DIPK2A: variants seen among roughly 807,000 people sequenced by gnomAD.
DIPK2A encodes the protein divergent protein kinase domain 2A.
Under a neutral mutation model 39.0 loss-of-function variants are expected in DIPK2A, and 27 were observed. The observed-to-expected ratio is 0.69, with a 90% CI of 0.51 to 0.96. The LOEUF (loss-of-function observed/expected upper bound fraction) is 0.96, where lower values mean the gene tolerates loss of function less well. DIPK2A is among the 40% of genes least tolerant of loss of function. The probability of loss-of-function intolerance (pLI) is 0.00; values close to 1 mark genes in which losing one functional copy is unlikely to be tolerated. For missense variants in DIPK2A, 528 were observed against 571.3 expected (o/e 0.92, Z 0.77); for synonymous variants, 298 against 240.8 (o/e 1.24, Z -2.20).
At chr3:143,987,281 G>T (rs1455155707) in intron 2 of DIPK2A, among the ~76,000 whole-genome samples, 1 of 152,088 alleles carries the variant, frequency 6.6e-6, no homozygotes, top group Non-Finnish European at 1.5e-5. Flanking sequence ...AATTATTTCA[G>T]TGTTTATAAC....
intron 1 of DIPK2A, chr3:143,973,467 G>A (rs1020596776): frequency 6.4e-7 from 1 of 1,551,070 alleles, no homozygotes; most frequent in African/African-American, 1.4e-5. Flanking sequence ...CGGTCTCAGA[G>A]TCTTTGTTTT....
rs1320829610 is a variant in DIPK2A at position 143,990,650 on chromosome 3, C to A, written c.*809C>A. The A allele has an allele frequency of 6.6e-6, 1 of 152,292 alleles. No individual in the cohort carries two copies. The highest frequency in any genetic ancestry group is 2.1e-4 in the South Asian group (1 of 4,822). The allele number at this position is 152,292 out of a possible 1,614,324, so 9.4% of individuals were successfully genotyped here. On this transcript the variant is annotated 3_prime_UTR_variant, in exon 3 of 3. Coordinates refer to ENST00000315691, the MANE Select transcript of DIPK2A (RefSeq NM_173552.5). Reference sequence around the variant, plus strand: ...GGCTTTAAGAAGAATATACTAGAATCTATATATTGATGTTAATTTTGATTC... The same window carrying A: ...GGCTTTAAGAAGAATATACTAGAATATATATATTGATGTTAATTTTGATTC...
intron 1 of DIPK2A, among the ~76,000 whole-genome samples, chr3:143,974,889 T>A (rs974521011): frequency 2.6e-5 from 4 of 152,176 alleles, no homozygotes. Context: ...TATATTTTTT[T>A]AAGTTTGAAC....
chr3:143,989,306 C>T (rs1206232538), intron 2 of DIPK2A, among the ~76,000 whole-genome samples: 1 of 152,112 alleles, frequency 6.6e-6, no homozygotes, highest in Non-Finnish European at 1.5e-5. Flanking sequence ...GTGGTAGAGA[C>T]CTTTCTGAAT....
Position 143,991,467 on chromosome 3 carries a change from T to C in DIPK2A, c.*1626T>C, listed in dbSNP as rs2087987444. On this transcript the variant is annotated 3_prime_UTR_variant, in exon 3 of 3. Coordinates refer to ENST00000315691, the MANE Select transcript of DIPK2A (RefSeq NM_173552.5). ...AACTAGGATAATGCTTTCATGTTAT[T>C]TTATTGTCTTGTGATAGAAATTCAA... 1 of 152,652 alleles carries C rather than the reference T, an allele frequency of 6.6e-6. No homozygotes were observed. Among genetic ancestry groups the C allele is most frequent in the Non-Finnish European group, 1.5e-5 (1 of 68,024 alleles). 9.5% of individuals were successfully genotyped at this position (152,652 alleles called of 1,614,324 possible). A position where few individuals can be genotyped will look rare whatever the true frequency, so the allele number is the denominator to read the frequency against.
intron 1 of DIPK2A, among the ~76,000 whole-genome samples, chr3:143,977,124 A>T (rs1273390776): frequency 6.6e-6 from 1 of 152,046 alleles, no homozygotes; most frequent in African/African-American, 2.4e-5. Context: ...TTATATAGGG[A>T]ACAACATATT....
In DIPK2A at chr3:143,990,074, G is replaced by A; in HGVS notation, c.*233G>A. On this transcript the variant is annotated 3_prime_UTR_variant, in exon 3 of 3. Coordinates refer to ENST00000315691, the MANE Select transcript of DIPK2A (RefSeq NM_173552.5). ...ACTTTGGAGGCTTGAGCTGTCATCA[G>A]CTGCTCCCCACTACCCCGGAATGCT... The A allele has an allele frequency of 4.0e-6, 2 of 498,266 alleles. No homozygotes were observed. The highest frequency in any genetic ancestry group is 3.6e-6 in the Non-Finnish European group (1 of 279,954). The allele number at this position is 498,266 out of a possible 1,614,324, so 30.9% of individuals were successfully genotyped here.
intron 1 of DIPK2A, among the ~76,000 whole-genome samples, chr3:143,977,970 T>A (rs1156854601): frequency 6.6e-6 from 1 of 152,096 alleles, no homozygotes. Context: ...TTGACCATTT[T>A]GAATTTTGTC....
Position 143,990,036 on chromosome 3 carries a change from A to T in DIPK2A, c.*195A>T, listed in dbSNP as rs778308491. The T allele has an allele frequency of 3.1e-5, 18 of 582,172 alleles. No homozygotes were observed. The highest frequency in any genetic ancestry group is 4.9e-5 in the Non-Finnish European group (16 of 329,220). The allele number at this position is 582,172 out of a possible 1,614,324, so 36.1% of individuals were successfully genotyped here. A position where few individuals can be genotyped will look rare whatever the true frequency, so the allele number is the denominator to read the frequency against. ...AAATCACATGATGCTTCTGCAAATA[A>T]GTATGTTCTTATACTTTGGAGGCTT... On this transcript the variant is annotated 3_prime_UTR_variant, in exon 3 of 3. Transcript: ENST00000315691.
chr3:143,974,659 A>G (rs2087704813), intron 1 of DIPK2A, among the ~76,000 whole-genome samples: 1 of 152,164 alleles, frequency 6.6e-6, no homozygotes, highest in Admixed American at 6.5e-5. Flanking sequence ...TCTTAGTAAT[A>G]TACATTTACT....
chr3:143,982,437 C>A (rs2087838912), intron 1 of DIPK2A, among the ~76,000 whole-genome samples: 1 of 152,100 alleles, frequency 6.6e-6, no homozygotes, highest in African/African-American at 2.4e-5. Flanking sequence ...AGAGTGGGGA[C>A]CAATATTCAA....
Position 143,972,276 on chromosome 3 carries a change from C to T in DIPK2A, c.-57C>T. The T allele has an allele frequency of 1.5e-6, 2 of 1,332,212 alleles. No homozygotes were observed. 82.5% of individuals were successfully genotyped at this position (1,332,212 alleles called of 1,614,324 possible). A position where few individuals can be genotyped will look rare whatever the true frequency, so the allele number is the denominator to read the frequency against. The stretch of plus-strand genomic sequence containing the variant: ...CTGCCGGTAGCTCTCCGGGTCTTGG[C>T]GCGGCGGGGGCGCCCCGGGGGTGCC... On this transcript the variant is annotated 5_prime_UTR_variant, in exon 1 of 3. Coordinates refer to ENST00000315691, the MANE Select transcript of DIPK2A (RefSeq NM_173552.5).
At chr3:143,973,412 C>T in intron 1 of DIPK2A, 2 of 1,550,250 alleles carry the variant, frequency 1.3e-6, no homozygotes, top group South Asian at 1.2e-5. Flanking sequence ...GTGTTCTACA[C>T]CGCGTTCGCT....
chr3:143,991,655 C>T lies in DIPK2A; in HGVS notation c.*1814C>T, dbSNP rs534890127. On this transcript the variant is annotated 3_prime_UTR_variant, in exon 3 of 3. Coordinates refer to ENST00000315691, the MANE Select transcript of DIPK2A (RefSeq NM_173552.5). ...AGTGCATTGCGTATATCAACTGGCC[C>T]TCAATGAAGCATTTAAGTGCTTGGA... 1 of 152,604 alleles carries T rather than the reference C, an allele frequency of 6.6e-6. No individual in the cohort carries two copies. The highest frequency in any genetic ancestry group is 1.5e-5 in the Non-Finnish European group (1 of 67,998). 9.5% of individuals were successfully genotyped at this position (152,604 alleles called of 1,614,324 possible). A position where few individuals can be genotyped will look rare whatever the true frequency, so the allele number is the denominator to read the frequency against.
At chr3:143,973,105 C>T in intron 1 of DIPK2A, 116 bp downstream of exon 1, 1 of 1,366,522 alleles carries the variant, frequency 7.3e-7, no homozygotes, top group Non-Finnish European at 1.0e-6. Context: ...CGGGCTGGGC[C>T]AGGCTGCAGG....
intron 1 of DIPK2A, among the ~76,000 whole-genome samples, chr3:143,974,650 C>G (rs2107838528): frequency 6.6e-6 from 1 of 152,140 alleles, no homozygotes; most frequent in African/African-American, 2.4e-5. Flanking sequence ...AAGGAGCTGT[C>G]TTAGTAATAT....
rs1202512247 is a variant in DIPK2A, at chr3:143,991,526, TAGG to T, written c.*1690_*1692del. On this transcript the variant is annotated 3_prime_UTR_variant, in exon 3 of 3. Coordinates refer to ENST00000315691, the MANE Select transcript of DIPK2A (RefSeq NM_173552.5). ...ATCTAAAACTAGGTTGCTATAAAAA[TAGG>T]AGGATGAAGTCAATAAAGTTTATGC... is the stretch of plus-strand genomic sequence containing the variant. 1.3e-5 allele frequency: 2 copies of T among 152,598 alleles called. No individual in the cohort carries two copies. The highest frequency in any genetic ancestry group is 4.1e-4 in the South Asian group (2 of 4,830). 9.5% of individuals were successfully genotyped at this position (152,598 alleles called of 1,614,324 possible).
chr3:143,978,946 T>C (rs987886135), intron 1 of DIPK2A, among the ~76,000 whole-genome samples: 5 of 151,954 alleles, frequency 3.3e-5, no homozygotes, highest in East Asian at 1.9e-4. Context: ...TGTTAATACT[T>C]ACCTAACAGG....
intron 1 of DIPK2A, chr3:143,973,843 G>T: frequency 2.0e-6 from 1 of 507,424 alleles, no homozygotes; most frequent in Non-Finnish European, 3.6e-6. Flanking sequence ...GAATAGGATG[G>T]AATCTTTACT....
Sources: gnomAD v4.1 joint callset for allele counts (sites outside exome capture counted in the v4.1 genomes callset) on GRCh38, gnomAD v4.1.1 for gene constraint, MANE v1.5 for transcripts, NCBI Gene and HGNC (gene_info 2026-07-23, HGNC 2026-07-21) for gene names.